NUMB: variants seen among roughly 807,000 people sequenced by gnomAD.
NUMB encodes the protein NUMB endocytic adaptor protein.
In NUMB, 29 loss-of-function variants were observed where a neutral mutation model predicts 59.7. The ratio of observed to expected loss-of-function variants is 0.49; its 90% confidence interval spans 0.36 to 0.66. The LOEUF (loss-of-function observed/expected upper bound fraction) is 0.66, where lower values mean the gene tolerates loss of function less well. NUMB is among the 30% of genes least tolerant of loss of function. The pLI, the probability that NUMB is intolerant of heterozygous loss-of-function variation, is 0.00. For synonymous variants in NUMB, 288 were observed against 288.2 expected (o/e 1.00, Z 0.01); for missense variants, 723 against 822.0 (o/e 0.88, Z 1.47).
At chr14:73,435,999 C>G (rs1898037373) in intron 1 of NUMB, among the ~76,000 whole-genome samples, 1 of 147,014 alleles carries the variant, frequency 6.8e-6, no homozygotes, top group Admixed American at 6.8e-5. Flanking sequence ...GAGCAAGACT[C>G]TGTTTCAAAA....
At chr14:73,452,063 C>G (rs1027170171) in intron 1 of NUMB, among the ~76,000 whole-genome samples, 1 of 151,568 alleles carries the variant, frequency 6.6e-6, no homozygotes, top group African/African-American at 2.4e-5. Flanking sequence ...GTCTCTACCC[C>G]CCAAAAAAAA....
At chr14:73,301,571 G>A (rs1393134984) in intron 6 of NUMB, among the ~76,000 whole-genome samples, 1 of 152,068 alleles carries the variant, frequency 6.6e-6, no homozygotes, top group African/African-American at 2.4e-5. Flanking sequence ...CCCAGTAGCT[G>A]GGACTACAGG....
chr14:73,408,627 C>A (rs1258327934), intron 2 of NUMB, among the ~76,000 whole-genome samples: 1 of 152,080 alleles, frequency 6.6e-6, no homozygotes, highest in Non-Finnish European at 1.5e-5. Flanking sequence ...CCTGTAATCA[C>A]AGCACTTTGG....
At chr14:73,335,383 A>C (rs1892254917) in intron 4 of NUMB, among the ~76,000 whole-genome samples, 1 of 152,046 alleles carries the variant, frequency 6.6e-6, no homozygotes. Flanking sequence ...AGAAACGTGG[A>C]AATAGAAATA....
At chr14:73,288,014 C>T (rs1037047877) in intron 8 of NUMB, among the ~76,000 whole-genome samples, 3 of 152,142 alleles carry the variant, frequency 2.0e-5, no homozygotes, top group Non-Finnish European at 4.4e-5. Context: ...TAAGAAACTA[C>T]TGGAAAGGCA....
At chr14:73,312,713 CAA>C (rs544005367) in intron 6 of NUMB, among the ~76,000 whole-genome samples, 40 of 64,038 alleles carry the variant, frequency 6.2e-4, no homozygotes, top group Non-Finnish European at 7.0e-4. Context: ...GACCCTGTCT[CAA>C]AAAAAAAAAA....
chr14:73,278,521 A>G lies in NUMB; in HGVS notation c.1240+760T>C, dbSNP rs200807404. 8.5e-5 allele frequency among the ~76,000 whole-genome samples: 7 copies of G among 82,536 alleles called. 1 individual carries two copies. In the East Asian group the frequency reaches 0.012, roughly 138 times the overall value. The allele number at this position is 82,536 out of a possible 152,430, so 54.1% of individuals were successfully genotyped here. ...GGTGACAGAACAATACTCCACCTCC[A>G]AAAAAAAAAAACTTTTTGGTTTTAT... On this transcript the variant is annotated intron_variant, in intron 12 of 12. Coordinates refer to ENST00000555238, the MANE Select transcript of NUMB (RefSeq NM_001005743.2).
chr14:73,320,868 TAAA>T (rs759154583), intron 5 of NUMB, among the ~76,000 whole-genome samples: 2 of 143,480 alleles, frequency 1.4e-5, no homozygotes, highest in Admixed American at 7.0e-5. Context: ...CTTCTTGGTT[TAAA>T]AAAAAAAAAG....
intron 6 of NUMB, among the ~76,000 whole-genome samples, chr14:73,302,405 C>CTTT: frequency 8.7e-6 from 1 of 115,054 alleles, no homozygotes; most frequent in Non-Finnish European, 1.7e-5. Flanking sequence ...TTCCACATTT[C>CTTT]TTTTTTTTTT....
intron 8 of NUMB, among the ~76,000 whole-genome samples, chr14:73,292,192 C>T (rs1889449143): frequency 6.6e-6 from 1 of 151,936 alleles, no homozygotes. Flanking sequence ...GGACTACATG[C>T]ATGTGCCACC....
intron 2 of NUMB, among the ~76,000 whole-genome samples, chr14:73,396,321 GGTGTGTGTGTGTGTGTGTGTGTGTGT>G (rs200195176): frequency 1.4e-5 from 2 of 144,220 alleles, no homozygotes; most frequent in Non-Finnish European, 3.1e-5. Context: ...AATTATTAGG[GGTGTGTGTGTGTGTGTGTGTGTGTGT>G]GTGTGTGTGT....
intron 4 of NUMB, among the ~76,000 whole-genome samples, chr14:73,335,735 G>A (rs925368171): frequency 2.0e-5 from 3 of 152,110 alleles, no homozygotes; most frequent in African/African-American, 7.2e-5. Flanking sequence ...AAGAAATGCA[G>A]ACCTCTGATG....
chr14:73,449,130 TATTACTTTTAATGGCAAAAGCTGTA>T (rs1483633855), intron 1 of NUMB, among the ~76,000 whole-genome samples: 2 of 152,302 alleles, frequency 1.3e-5, no homozygotes, highest in Non-Finnish European at 2.9e-5. Flanking sequence ...GTGTTTTTGC[TATTACTTTTAATGGCAAAAGCTGTA>T]ATTACTTTTG....
At chr14:73,342,629 A>G (rs1231992428) in intron 4 of NUMB, among the ~76,000 whole-genome samples, 1 of 152,220 alleles carries the variant, frequency 6.6e-6, no homozygotes, top group Admixed American at 6.5e-5. Context: ...AATTCAATGA[A>G]GGAAAAAACA....
intron 2 of NUMB, among the ~76,000 whole-genome samples, chr14:73,396,321 GGTGTGTGTGTGTGTGTGTGTGT>G (rs200195176): frequency 4.2e-5 from 6 of 144,220 alleles, no homozygotes; most frequent in South Asian, 2.3e-4. Flanking sequence ...AATTATTAGG[GGTGTGTGTGTGTGTGTGTGTGT>G]GTGTGTGTGT....
chr14:73,361,558 C>G (rs1340066762), intron 3 of NUMB, among the ~76,000 whole-genome samples: 4 of 151,860 alleles, frequency 2.6e-5, no homozygotes, highest in South Asian at 4.2e-4. Flanking sequence ...ATTTCAACAC[C>G]CAGGTATTAA....
chr14:73,398,049 T>C (rs1027856228), intron 2 of NUMB, among the ~76,000 whole-genome samples: 3 of 151,934 alleles, frequency 2.0e-5, no homozygotes, highest in South Asian at 2.1e-4. Context: ...AAGCGGAAAA[T>C]AGCCTAAGAC....
At chr14:73,391,089 A>T (rs1043583807) in intron 2 of NUMB, among the ~76,000 whole-genome samples, 14 of 151,972 alleles carry the variant, frequency 9.2e-5, no homozygotes, top group African/African-American at 3.4e-4. Flanking sequence ...TTTTTCTGCT[A>T]TATTAGATAC....
chr14:73,425,861 T>C (rs1595025369), intron 1 of NUMB, among the ~76,000 whole-genome samples: 1 of 149,808 alleles, frequency 6.7e-6, no homozygotes, highest in Admixed American at 6.7e-5. Flanking sequence ...CAGGCTGGAG[T>C]GCAGTGGTGC....
Sources: gnomAD v4.1 joint callset for allele counts (sites outside exome capture counted in the v4.1 genomes callset) on GRCh38, gnomAD v4.1.1 for gene constraint, MANE v1.5 for transcripts, NCBI Gene and HGNC (gene_info 2026-07-23, HGNC 2026-07-21) for gene names.